The following NYAP2 variants were observed in gnomAD, a reference collection of about 807,000 sequenced individuals.
NYAP2 encodes neuronal tyrosine-phosphorylated phosphoinositide-3-kinase adaptor 2.
In NYAP2, 23 loss-of-function variants were observed where a neutral mutation model predicts 50.4. That is an observed-to-expected ratio of 0.46 (90% confidence interval 0.33 to 0.65). The LOEUF is 0.65. Among genes scored for constraint, NYAP2 ranks in the 30% least tolerant of loss-of-function variants. The pLI is 0.02. For synonymous variants in NYAP2, 394 were observed against 365.2 expected (o/e 1.08, Z -0.90); for missense variants, 885 against 861.0 (o/e 1.03, Z -0.35).
intron 4 of NYAP2, among the ~76,000 whole-genome samples, chr2:225,524,828 A>G (rs543985913): frequency 6.6e-6 from 1 of 152,298 alleles, no homozygotes; most frequent in South Asian, 2.1e-4. Context: ...AAACATTTGC[A>G]AGCTATGCAT....
intron 5 of NYAP2, among the ~76,000 whole-genome samples, chr2:225,593,289 T>A (rs534791748): frequency 6.6e-6 from 1 of 152,314 alleles, no homozygotes; most frequent in Non-Finnish European, 1.5e-5. Context: ...GTGTCTTAGT[T>A]TTCTCACTTT....
At chr2:225,696,826 G>A in the NYAP2 span, among the ~76,000 whole-genome samples, 13 of 151,888 alleles carry the variant, frequency 8.6e-5, no homozygotes, top group Non-Finnish European at 1.3e-4. Flanking sequence ...GTAACTTTGG[G>A]AGAGTTACCA....
chr2:225,613,819 T>C (rs767159859), intron 5 of NYAP2, among the ~76,000 whole-genome samples: 11 of 152,110 alleles, frequency 7.2e-5, no homozygotes, highest in Non-Finnish European at 1.6e-4. Context: ...TCCACTGTGA[T>C]TTGATTGGGG....
At chr2:225,569,459 C>T (rs1692028117) in intron 4 of NYAP2, among the ~76,000 whole-genome samples, 1 of 152,020 alleles carries the variant, frequency 6.6e-6, no homozygotes, top group African/African-American at 2.4e-5. Flanking sequence ...TGAGAGAGAC[C>T]TCGAGACTGC....
chr2:225,658,525 A>G (rs1693862637), downstream of NYAP2, among the ~76,000 whole-genome samples: 2 of 152,264 alleles, frequency 1.3e-5, no homozygotes, highest in African/African-American at 2.4e-5. Context: ...AATTCATGTT[A>G]CAAATAAGAA....
intron 4 of NYAP2, among the ~76,000 whole-genome samples, chr2:225,572,971 G>T (rs1447464630): frequency 6.6e-6 from 1 of 152,054 alleles, no homozygotes; most frequent in Non-Finnish European, 1.5e-5. Context: ...TGACTAGAAA[G>T]AATGTAATCT....
intron 5 of NYAP2, among the ~76,000 whole-genome samples, chr2:225,589,877 G>C (rs904383707): frequency 2.0e-5 from 3 of 152,092 alleles, no homozygotes; most frequent in African/African-American, 7.2e-5. Flanking sequence ...CTTTGCAATA[G>C]AGAATGAGAG....
chr2:225,590,548 T>C (rs1038002154), intron 5 of NYAP2, among the ~76,000 whole-genome samples: 5 of 152,336 alleles, frequency 3.3e-5, no homozygotes, highest in Admixed American at 6.5e-5. Flanking sequence ...TATTTATGCC[T>C]TCAGTCAAAC....
downstream of NYAP2, among the ~76,000 whole-genome samples, chr2:225,658,370 G>A (rs927042747): frequency 2.6e-5 from 4 of 152,140 alleles, no homozygotes; most frequent in Non-Finnish European, 5.9e-5. Context: ...GTGTTTCTCT[G>A]TACTAACTTC....
At chr2:225,484,661 A>ATGTTGACTG (rs1259644934) in intron 3 of NYAP2, among the ~76,000 whole-genome samples, 1 of 152,234 alleles carries the variant, frequency 6.6e-6, no homozygotes, top group Admixed American at 6.5e-5. Flanking sequence ...CTCCTGCTTA[A>ATGTTGACTG]TGTTGACTGG....
intron 3 of NYAP2, among the ~76,000 whole-genome samples, chr2:225,465,935 A>G (rs1689909565): frequency 6.6e-6 from 1 of 152,108 alleles, no homozygotes; most frequent in Non-Finnish European, 1.5e-5. Flanking sequence ...ACATTCAGCA[A>G]TTTCTTCTGC....
chr2:225,440,869 T>C (rs1689458843), intron 3 of NYAP2, among the ~76,000 whole-genome samples: 1 of 152,172 alleles, frequency 6.6e-6, no homozygotes, highest in Non-Finnish European at 1.5e-5. Context: ...GCCCTGATAA[T>C]AGATGGGAGA....
chr2:225,547,321 G>A (rs1237004688), intron 4 of NYAP2, among the ~76,000 whole-genome samples: 1 of 152,162 alleles, frequency 6.6e-6, no homozygotes, highest in African/African-American at 2.4e-5. Flanking sequence ...CCCGGCTTGT[G>A]TCTGTCTCAC....
intron 4 of NYAP2, among the ~76,000 whole-genome samples, chr2:225,558,325 G>A (rs1691812317): frequency 6.6e-6 from 1 of 152,090 alleles, no homozygotes; most frequent in African/African-American, 2.4e-5. Flanking sequence ...TAAAATCAAG[G>A]TGTCAGCATG....
intron 4 of NYAP2, among the ~76,000 whole-genome samples, chr2:225,545,770 G>T (rs1170844930): frequency 2.0e-5 from 3 of 152,104 alleles, no homozygotes; most frequent in Non-Finnish European, 2.9e-5. Context: ...GGTGTCTGGG[G>T]ATTGAAGAGT....
At chr2:225,482,401 T>C (rs1276159266) in intron 3 of NYAP2, among the ~76,000 whole-genome samples, 1 of 152,186 alleles carries the variant, frequency 6.6e-6, no homozygotes, top group Admixed American at 6.5e-5. Context: ...TCCTCTGCAG[T>C]GTTTCCCTTA....
chr2:225,571,616 C>G lies in NYAP2; in HGVS notation c.524-10325C>G, dbSNP rs569385647. Among the ~76,000 whole-genome samples, 53 of 152,312 alleles carry G rather than the reference C, an allele frequency of 3.5e-4. 1 individual carries two copies. Among genetic ancestry groups the G allele is most frequent in the Non-Finnish European group, 7.8e-4 (53 of 68,022 alleles). On this transcript the variant is annotated intron_variant, in intron 4 of 6. Transcript: ENST00000636099. Reference sequence around the variant, plus strand: ...CTGAAGCAGATGGGATGCAGGGCACCATATCCTGAGGTTTCACAGAGCAGG... The same window carrying G: ...CTGAAGCAGATGGGATGCAGGGCACGATATCCTGAGGTTTCACAGAGCAGG...
downstream of NYAP2, among the ~76,000 whole-genome samples, chr2:225,656,148 T>C (rs1446678893): frequency 1.3e-5 from 2 of 152,146 alleles, no homozygotes; most frequent in Non-Finnish European, 2.9e-5. Flanking sequence ...AAAAGGTCAC[T>C]TGTAATTTCC....
intron 3 of NYAP2, among the ~76,000 whole-genome samples, chr2:225,508,595 A>G (rs1690752569): frequency 1.3e-5 from 2 of 152,192 alleles, no homozygotes; most frequent in African/African-American, 4.8e-5. Flanking sequence ...ATCACAATGC[A>G]GGTCTAGCAC....
Sources: gnomAD v4.1 joint callset for allele counts (sites outside exome capture counted in the v4.1 genomes callset) on GRCh38, gnomAD v4.1.1 for gene constraint, MANE v1.5 for transcripts, NCBI Gene and HGNC (gene_info 2026-07-23, HGNC 2026-07-21) for gene names.